The following KHDRBS3 variants were observed in gnomAD, a reference collection of about 807,000 sequenced individuals.
The protein encoded by KHDRBS3 is KH RNA binding domain containing, signal transduction associated 3.
A neutral mutation model predicts 45.6 loss-of-function variants in KHDRBS3; 23 were observed. The observed-to-expected ratio is 0.50, with a 90% CI of 0.36 to 0.72. The LOEUF (loss-of-function observed/expected upper bound fraction) is 0.72. KHDRBS3 is among the 30% of genes least tolerant of loss of function. The pLI is 0.00. For synonymous variants in KHDRBS3, 162 were observed against 156.5 expected (o/e 1.04, Z -0.26); for missense variants, 352 against 424.8 (o/e 0.83, Z 1.51).
intron 2 of KHDRBS3, among the ~76,000 whole-genome samples, chr8:135,537,176 T>A (rs1307852809): frequency 3.3e-5 from 5 of 152,076 alleles, no homozygotes; most frequent in African/African-American, 1.2e-4. Context: ...GTGGCACCAT[T>A]TGCTGGGCTA....
In KHDRBS3 at chr8:135,616,422, C is replaced by A. The variant is rs1022056326; in HGVS notation, c.890+9385C>A. ...AGTGTATGACAACACGGTAGTGGGG[C>A]AAAGGCAAGCTAGTGGCAATAAATC... On this transcript the variant is annotated intron_variant, in intron 7 of 8. Coordinates refer to ENST00000355849, the MANE Select transcript of KHDRBS3 (RefSeq NM_006558.3). 9.9e-5 allele frequency among the ~76,000 whole-genome samples: 15 copies of A among 152,268 alleles called. No individual in the cohort carries two copies. The East Asian group carries it at 2.7e-3, about 27-fold the overall frequency.
chr8:135,639,210 A>T (rs1830954291), intron 7 of KHDRBS3, among the ~76,000 whole-genome samples: 1 of 152,216 alleles, frequency 6.6e-6, no homozygotes, highest in South Asian at 2.1e-4. Context: ...GGTGATTGCG[A>T]TGAAGTTGAA....
chr8:135,470,371 T>G (rs1156485190), intron 1 of KHDRBS3, among the ~76,000 whole-genome samples: 1 of 152,160 alleles, frequency 6.6e-6, no homozygotes, highest in Non-Finnish European at 1.5e-5. Context: ...TCATTAGGAA[T>G]GTCTCCTTTT....
intron 7 of KHDRBS3, among the ~76,000 whole-genome samples, chr8:135,609,188 T>G (rs1829605270): frequency 6.6e-6 from 1 of 152,232 alleles, no homozygotes; most frequent in African/African-American, 2.4e-5. Context: ...TTTATTAATT[T>G]TTGACTCTTG....
At chr8:135,641,989 A>G (rs1831077708) in intron 7 of KHDRBS3, among the ~76,000 whole-genome samples, 1 of 152,202 alleles carries the variant, frequency 6.6e-6, no homozygotes, top group African/African-American at 2.4e-5. Context: ...ATAACTGTAT[A>G]TTATTCCGTG....
chr8:135,485,842 TTATATATATATATA>T (rs34886021), intron 1 of KHDRBS3, among the ~76,000 whole-genome samples: 2 of 120,346 alleles, frequency 1.7e-5, no homozygotes, highest in East Asian at 4.8e-4. Context: ...CATTTCAAGT[TTATATATATATATA>T]TATATATATA....
intron 3 of KHDRBS3, among the ~76,000 whole-genome samples, chr8:135,546,885 T>C (rs16905400): frequency 0.011 from 1,712 of 152,288 alleles, 28 homozygotes; most frequent in African/African-American, 0.037. Flanking sequence ...CTCTGTGGGA[T>C]TGTACCCTGG....
intron 1 of KHDRBS3, among the ~76,000 whole-genome samples, chr8:135,478,802 A>G (rs1406999821): frequency 6.6e-6 from 1 of 152,236 alleles, no homozygotes; most frequent in Non-Finnish European, 1.5e-5. Context: ...CTACATGTCA[A>G]AACTTAAGAG....
At chr8:135,539,240 G>C (rs1825928615) in intron 2 of KHDRBS3, 1 of 152,312 alleles carries the variant, frequency 6.6e-6, no homozygotes, top group South Asian at 2.1e-4. Flanking sequence ...GTCCCACAGG[G>C]AGGTGATGCA....
intron 1 of KHDRBS3, among the ~76,000 whole-genome samples, chr8:135,513,353 G>A (rs1824403162): frequency 6.6e-6 from 1 of 152,252 alleles, no homozygotes; most frequent in East Asian, 1.9e-4. Flanking sequence ...GAACTTAACT[G>A]GACCAGGTAT....
At chr8:135,564,303 T>G (rs1404283151) in intron 5 of KHDRBS3, among the ~76,000 whole-genome samples, 2 of 152,220 alleles carry the variant, frequency 1.3e-5, no homozygotes, top group Admixed American at 1.3e-4. Context: ...AGAGTGACAG[T>G]GTCCCATCTG....
chr8:135,519,271 C>T (rs745899156), intron 1 of KHDRBS3, among the ~76,000 whole-genome samples: 4 of 152,148 alleles, frequency 2.6e-5, no homozygotes, highest in Non-Finnish European at 5.9e-5. Context: ...TCTTTGATGC[C>T]AGCTGTGTAT....
At chr8:135,459,345 T>G (rs1821306588) in intron 1 of KHDRBS3, among the ~76,000 whole-genome samples, 1 of 152,204 alleles carries the variant, frequency 6.6e-6, no homozygotes, top group Non-Finnish European at 1.5e-5. Context: ...CTTATGGAGC[T>G]CCCTCATTTT....
intron 4 of KHDRBS3, among the ~76,000 whole-genome samples, chr8:135,554,034 G>A (rs374734709): frequency 1.3e-5 from 2 of 152,070 alleles, no homozygotes; most frequent in Non-Finnish European, 2.9e-5. Context: ...TTGACACCAG[G>A]AGAAACAGTC....
At chr8:135,534,583 C>CT (rs767814556) in intron 2 of KHDRBS3, among the ~76,000 whole-genome samples, 3 of 152,050 alleles carry the variant, frequency 2.0e-5, no homozygotes, top group Non-Finnish European at 2.9e-5. Flanking sequence ...CTAGCCAGGC[C>CT]TTAGAAAAGA....
intron 4 of KHDRBS3, among the ~76,000 whole-genome samples, chr8:135,550,192 A>T (rs369454270): frequency 5.3e-5 from 8 of 152,066 alleles, no homozygotes; most frequent in African/African-American, 1.9e-4. Flanking sequence ...GCCAGGTGAA[A>T]CAGATTCTCT....
chr8:135,544,372 C>T (rs1293679082), intron 3 of KHDRBS3, among the ~76,000 whole-genome samples: 2 of 152,178 alleles, frequency 1.3e-5, no homozygotes, highest in Non-Finnish European at 2.9e-5. Context: ...CCCGAGTTAA[C>T]AGCAAGTGCC....
At chr8:135,601,269 TGAATAA>T (rs1315219224) in intron 6 of KHDRBS3, among the ~76,000 whole-genome samples, 37 of 152,308 alleles carry the variant, frequency 2.4e-4, no homozygotes, top group African/African-American at 8.9e-4. Flanking sequence ...TGTGAAAGAA[TGAATAA>T]GACACAATCC....
At chr8:135,481,088 A>G (rs1822542402) in intron 1 of KHDRBS3, among the ~76,000 whole-genome samples, 1 of 151,868 alleles carries the variant, frequency 6.6e-6, no homozygotes. Flanking sequence ...ATTAGTTATC[A>G]GATTAGATCT....
Sources: gnomAD v4.1 joint callset for allele counts (sites outside exome capture counted in the v4.1 genomes callset) on GRCh38, gnomAD v4.1.1 for gene constraint, MANE v1.5 for transcripts, NCBI Gene and HGNC (gene_info 2026-07-23, HGNC 2026-07-21) for gene names.